MBNL1: variants seen among roughly 807,000 people sequenced by gnomAD.
The protein encoded by MBNL1 is muscleblind-like protein 1.
A neutral mutation model predicts 42.2 loss-of-function variants in MBNL1; 8 were observed. That is an observed-to-expected ratio of 0.19 (90% CI 0.11 to 0.34). MBNL1 has a LOEUF of 0.34. Among genes scored for constraint, MBNL1 ranks in the 10% least tolerant of loss-of-function variants. The pLI is 1.00. For synonymous variants in MBNL1, 169 were observed against 173.9 expected, an observed-to-expected ratio of 0.97 and a Z score of 0.22; for missense variants, 309 against 495.3, an observed-to-expected ratio of 0.62 and a Z score of 3.57.
At chr3:152,332,271 A>G (rs1218725043) in intron 2 of MBNL1, among the ~76,000 whole-genome samples, 1 of 152,146 alleles carries the variant, frequency 6.6e-6, no homozygotes, top group Non-Finnish European at 1.5e-5. Context: ...TGTTTTCCTC[A>G]CTCATAAGAT....
intron 2 of MBNL1, among the ~76,000 whole-genome samples, chr3:152,357,851 G>A (rs1402415210): frequency 6.6e-6 from 1 of 152,166 alleles, no homozygotes; most frequent in Non-Finnish European, 1.5e-5. Context: ...TAGAAATAAG[G>A]TTGGCTCATG....
intron 1 of MBNL1, among the ~76,000 whole-genome samples, chr3:152,294,529 C>G (rs1282637183): frequency 6.6e-6 from 1 of 152,022 alleles, no homozygotes; most frequent in African/African-American, 2.4e-5. Context: ...CGTGATCTGC[C>G]TGCCTCGGCC....
chr3:152,340,356 A>G (rs1353651000), intron 2 of MBNL1: 2 of 713,614 alleles, frequency 2.8e-6, no homozygotes, highest in Non-Finnish European at 4.5e-6. Context: ...ACTGAACAAT[A>G]GTAATCTCTT....
At chr3:152,389,866 A>AATTT (rs951896366) in intron 2 of MBNL1, among the ~76,000 whole-genome samples, 22 of 151,924 alleles carry the variant, frequency 1.4e-4, no homozygotes, top group Non-Finnish European at 2.4e-4. Context: ...ACCTTAATGT[A>AATTT]ATTTATTTAT....
At chr3:152,447,873 ATG>A in intron 6 of MBNL1, 100 bp downstream of exon 6, 3 of 1,092,622 alleles carry the variant, frequency 2.7e-6, no homozygotes, top group Non-Finnish European at 3.9e-6. Context: ...GTAATTATAG[ATG>A]AGGTGTCAGG....
intron 2 of MBNL1, among the ~76,000 whole-genome samples, chr3:152,252,283 C>A (rs1032155139): frequency 7.0e-6 from 1 of 143,258 alleles, no homozygotes; most frequent in Non-Finnish European, 1.5e-5. Context: ...TTCCTCCCCT[C>A]CCTCCCTCCC....
At chr3:152,289,794 G>C (rs1005419845) in intron 1 of MBNL1, among the ~76,000 whole-genome samples, 15 of 152,064 alleles carry the variant, frequency 9.9e-5, no homozygotes, top group Admixed American at 2.0e-4. Flanking sequence ...TGTGGCTTGA[G>C]TATTTGTAAG....
At position 152,432,747 on chromosome 3, in the gene MBNL1, A is replaced by G. The variant is rs1302065004; in HGVS notation, c.376A>G (p.Thr126Ala). The part of the protein sequence containing the change: ...PMFSVAPSLA[T>A]NASAAAFNPY... ...GTTTTCAGTTGCACCAAGCTTAGCC[A>G]CCAATGCATCAGCAGCCGCCTTTAA... The change falls in exon 4 of 10, where the codon ACC (threonine) becomes GCC (alanine). Residue 126 changes from threonine (T) to alanine (A), a missense_variant. Transcript: ENST00000324210. 6.2e-7 allele frequency: 1 copy of G among 1,614,216 alleles called. No homozygotes were observed. The highest frequency in any genetic ancestry group is 8.5e-7 in the Non-Finnish European group (1 of 1,180,032).
upstream of MBNL1, among the ~76,000 whole-genome samples, chr3:152,243,672 A>C (rs2032232557): frequency 6.6e-6 from 1 of 152,132 alleles, no homozygotes; most frequent in Non-Finnish European, 1.5e-5. Context: ...AGACTTGTAA[A>C]AGCAAGTTAA....
chr3:152,453,141 T>TA (rs1185076304), intron 6 of MBNL1, among the ~76,000 whole-genome samples: 1 of 152,116 alleles, frequency 6.6e-6, no homozygotes, highest in Admixed American at 6.5e-5. Flanking sequence ...CTTAAAATGA[T>TA]ATACACTATT....
intron 2 of MBNL1, among the ~76,000 whole-genome samples, chr3:152,393,734 A>G (rs2097812165): frequency 6.6e-6 from 1 of 152,190 alleles, no homozygotes; most frequent in Admixed American, 6.5e-5. Flanking sequence ...GATACCTTAT[A>G]TATTTATTAA....
At position 152,465,578 on chromosome 3, in the gene MBNL1, T is replaced by TTCA. The variant is rs1195969945; in HGVS notation, c.*3215_*3217dup. On this transcript the variant is annotated 3_prime_UTR_variant, in exon 10 of 10. Coordinates refer to ENST00000324210, the MANE Select transcript of MBNL1 (RefSeq NM_021038.5). The stretch of plus-strand genomic sequence containing the variant: ...TGCACTTATCAGCAACCCTACCACT[T>TTCA]TCATCTGCTGAAAGGACAAATGTGC... The TTCA allele has an allele frequency of 6.6e-6, 1 of 152,658 alleles. No individual in the cohort carries two copies. Among genetic ancestry groups the TTCA allele is most frequent in the Non-Finnish European group, 1.5e-5 (1 of 68,032 alleles). The allele number at this position is 152,658 out of a possible 1,614,324, so 9.5% of individuals were successfully genotyped here.
At chr3:152,286,808 A>G (rs1451102407) in intron 1 of MBNL1, among the ~76,000 whole-genome samples, 1 of 152,056 alleles carries the variant, frequency 6.6e-6, no homozygotes. Flanking sequence ...AATTTGTCCA[A>G]TGTATTCCTT....
chr3:152,389,753 T>C (rs780418388), intron 2 of MBNL1, among the ~76,000 whole-genome samples: 31 of 152,128 alleles, frequency 2.0e-4, no homozygotes, highest in Non-Finnish European at 2.4e-4. Context: ...GAGTAGTGAG[T>C]GAATGTGAAG....
intron 3 of MBNL1, among the ~76,000 whole-genome samples, chr3:152,431,869 A>G (rs1169121785): frequency 6.6e-6 from 1 of 152,254 alleles, no homozygotes. Context: ...TTCAAGAACA[A>G]ATATATTTTA....
intron 3 of MBNL1, among the ~76,000 whole-genome samples, chr3:152,417,171 C>T (rs900445639): frequency 1.2e-4 from 18 of 152,120 alleles, no homozygotes; most frequent in African/African-American, 4.3e-4. Flanking sequence ...CAAAACCTCA[C>T]CTGAGACTTT....
chr3:152,348,333 T>A (rs2094533466), intron 2 of MBNL1, among the ~76,000 whole-genome samples: 1 of 152,134 alleles, frequency 6.6e-6, no homozygotes, highest in South Asian at 2.1e-4. Flanking sequence ...TATGTGCTAG[T>A]GGAAATCAAT....
intron 2 of MBNL1, among the ~76,000 whole-genome samples, chr3:152,307,684 A>C (rs1183902484): frequency 6.6e-6 from 1 of 152,224 alleles, no homozygotes; most frequent in African/African-American, 2.4e-5. Flanking sequence ...TCGTAATCTG[A>C]TTTCACAGCC....
intron 2 of MBNL1, among the ~76,000 whole-genome samples, chr3:152,324,489 A>G (rs976344411): frequency 6.6e-6 from 1 of 152,116 alleles, no homozygotes; most frequent in Admixed American, 6.6e-5. Context: ...TCCATGTTCA[A>G]TGATGTCTTT....
Sources: gnomAD v4.1 joint callset for allele counts (sites outside exome capture counted in the v4.1 genomes callset) on GRCh38, gnomAD v4.1.1 for gene constraint, MANE v1.5 for transcripts, NCBI Gene and HGNC (gene_info 2026-07-23, HGNC 2026-07-21) for gene names.